GRIP2: variants seen among roughly 807,000 people sequenced by gnomAD.
GRIP2 encodes glutamate receptor-interacting protein 2.
In GRIP2, 58 loss-of-function variants were observed where a neutral mutation model predicts 108.3. The ratio of observed to expected loss-of-function variants is 0.54; its 90% CI spans 0.43 to 0.67. The LOEUF is 0.67. Ranked by LOEUF, GRIP2 falls within the 30% of genes least tolerant of loss-of-function variation. The probability of loss-of-function intolerance (pLI) is 0.00; values close to 1 mark genes in which losing one functional copy is unlikely to be tolerated. For synonymous variants in GRIP2, 586 were observed against 598.2 expected (o/e 0.98, Z 0.30); for missense variants, 1,278 against 1,430.6 (o/e 0.89, Z 1.72).
At chr3:14,495,054 C>G in intron 22 of GRIP2, 65 bp from the exon 23 acceptor site, 1 of 1,579,120 alleles carries the variant, frequency 6.3e-7, no homozygotes, top group South Asian at 1.2e-5. Flanking sequence ...CTCACAGTAG[C>G]CCAGGTCCTT....
At chr3:14,503,770 G>A (rs1048134578) in intron 20 of GRIP2, 99 bp from the exon 21 acceptor site, 2 of 346,402 alleles carry the variant, frequency 5.8e-6, no homozygotes, top group South Asian at 2.3e-5. Context: ...CGTTGGGCTC[G>A]AGGGGCCATA....
intron 1 of GRIP2, chr3:14,555,807 AGACGGGGAGGGAGAGCAGGGGTGACTGAG>A: frequency 2.5e-6 from 1 of 399,618 alleles, no homozygotes; most frequent in South Asian, 1.3e-4. Flanking sequence ...TCCGCGAGAG[AGACGGGGAGGGAGAGCAGGGGTGACTGAG>A]GACAGGCAGG....
rs776565582 is a variant in GRIP2, at chr3:14,511,340, A to G, written c.1788-30T>C. On this transcript the variant is annotated intron_variant, in intron 15 of 23. Coordinates refer to ENST00000621039, the MANE Select transcript of GRIP2 (RefSeq NM_001080423.4). This position sits in a 1 kb window ranked among gnomAD's most constrained non-coding sequence, Gnocchi z 4.1. ...ATGAGTCGGGGGCAGAGGGGATGGAAGGAGCCTGGTGCATGCAGGTGCCAT... is the reference window on the plus strand; with the variant it reads ...ATGAGTCGGGGGCAGAGGGGATGGAGGGAGCCTGGTGCATGCAGGTGCCAT... 7 of 1,613,992 alleles carry G rather than the reference A, an allele frequency of 4.3e-6. No homozygotes were observed. The South Asian group carries it at 6.6e-5, about 15-fold the overall frequency.
chr3:14,523,105 C>T (rs1470549141), intron 5 of GRIP2, 30 bp from the exon 6 acceptor site: 4 of 1,540,626 alleles, frequency 2.6e-6, no homozygotes, highest in Non-Finnish European at 3.6e-6. Flanking sequence ...AAGCAGGAAT[C>T]ATCCACCCAC....
the GRIP2 span, among the ~76,000 whole-genome samples, chr3:14,589,023 C>T: frequency 5.3e-5 from 8 of 152,228 alleles, no homozygotes; most frequent in Non-Finnish European, 1.2e-4. Flanking sequence ...AGCGCCTACT[C>T]ACTCGGGACC....
rs989870580 is a variant in GRIP2 at position 14,511,005 on chromosome 3, T to C, written c.1933+160A>G. Among the ~76,000 whole-genome samples the C allele has an allele frequency of 2.6e-5, 4 of 152,154 alleles. No homozygotes were observed. Among genetic ancestry groups the C allele is most frequent in the African/African-American group, 9.7e-5 (4 of 41,446 alleles). On this transcript the variant is annotated intron_variant, in intron 16 of 23. Coordinates refer to ENST00000621039, the MANE Select transcript of GRIP2 (RefSeq NM_001080423.4). The surrounding 1 kb of genome is among the most constrained non-coding windows in gnomAD (Gnocchi z 4.1). ...CAGACGCCGGGGACAGTGAGAAATC[T>C]GTGGTGTTGCCCCCTCCTTCATTTG...
chr3:14,593,701 T>A, the GRIP2 span, among the ~76,000 whole-genome samples: 1 of 152,210 alleles, frequency 6.6e-6, no homozygotes, highest in Non-Finnish European at 1.5e-5. Flanking sequence ...GGCATTGAGG[T>A]TCCTCGATAG....
intron 17 of GRIP2, among the ~76,000 whole-genome samples, chr3:14,509,559 G>T (rs1694025346): frequency 6.6e-6 from 1 of 152,282 alleles, no homozygotes; most frequent in Non-Finnish European, 1.5e-5. Flanking sequence ...GGAGCAGGAA[G>T]ATGCACACAC....
chr3:14,503,833 C>T, intron 20 of GRIP2, 162 bp from the exon 21 acceptor site: 1 of 603,406 alleles, frequency 1.7e-6, no homozygotes, highest in South Asian at 2.0e-5. Flanking sequence ...TTCTGGGGCC[C>T]CGGGGCAGTG....
chr3:14,510,575 TAAAAG>T (rs548708361), intron 16 of GRIP2, among the ~76,000 whole-genome samples: 308 of 149,480 alleles, frequency 2.1e-3, no homozygotes, highest in African/African-American at 5.8e-3. Flanking sequence ...CAACTTTTCT[TAAAAG>T]AAAAGAAAAG....
the GRIP2 span, among the ~76,000 whole-genome samples, chr3:14,561,778 T>C: frequency 6.6e-6 from 1 of 152,160 alleles, no homozygotes; most frequent in Non-Finnish European, 1.5e-5. Context: ...GCTCTACTGA[T>C]CTAAATAAGA....
At position 14,507,156 on chromosome 3, in the gene GRIP2, G is replaced by T. The variant is rs563049100; in HGVS notation, c.2219-176C>A. Among the ~76,000 whole-genome samples the T allele has an allele frequency of 6.6e-6, 1 of 151,946 alleles. No individual in the cohort carries two copies. The highest frequency in any genetic ancestry group is 1.9e-4 in the East Asian group (1 of 5,144). ...ACAGATGGGAAAACTGAGGCTCGGG[G>T]AAGCTGAGCAGCATGCCCGAGATCA... On this transcript the variant is annotated intron_variant, in intron 18 of 23. Transcript: ENST00000621039. The surrounding 1 kb of genome is among the most constrained non-coding windows in gnomAD (Gnocchi z 4.6).
chr3:14,549,116 CAGTA>C (rs1206033204), intron 1 of GRIP2, among the ~76,000 whole-genome samples: 2 of 152,222 alleles, frequency 1.3e-5, no homozygotes, highest in African/African-American at 4.8e-5. Context: ...GTTGTGCACA[CAGTA>C]AGTGCTACAC....
the GRIP2 span, among the ~76,000 whole-genome samples, chr3:14,602,737 A>C: frequency 6.6e-6 from 1 of 151,078 alleles, no homozygotes; most frequent in Non-Finnish European, 1.5e-5. The surrounding 1 kb of genome is among the most constrained non-coding windows in gnomAD (Gnocchi z 4.7). Flanking sequence ...TCGCGTCCTG[A>C]GGTGATCCTC....
the GRIP2 span, among the ~76,000 whole-genome samples, chr3:14,594,657 C>A: frequency 6.6e-6 from 1 of 152,220 alleles, no homozygotes; most frequent in Non-Finnish European, 1.5e-5. Flanking sequence ...CACATGGAAA[C>A]CTTAGCCCTC....
chr3:14,517,278 G>C, intron 10 of GRIP2, 65 bp from the exon 11 acceptor site: 1 of 1,460,516 alleles, frequency 6.8e-7, no homozygotes. Flanking sequence ...CACACAGTGG[G>C]TGCTGGGAAG....
the GRIP2 span, among the ~76,000 whole-genome samples, chr3:14,595,824 T>C: frequency 6.6e-6 from 1 of 152,246 alleles, no homozygotes; most frequent in Non-Finnish European, 1.5e-5. Context: ...GGGCCGGATG[T>C]GCACAGGGGC....
At chr3:14,513,546 A>T (rs1192720212) in intron 13 of GRIP2, 119 bp downstream of exon 13, 3 of 1,301,508 alleles carry the variant, frequency 2.3e-6, no homozygotes, top group African/African-American at 3.0e-5. Context: ...AGCCCCTGGG[A>T]GAAGGGCACT....
At chr3:14,562,513 G>A in the GRIP2 span, among the ~76,000 whole-genome samples, 2 of 152,218 alleles carry the variant, frequency 1.3e-5, no homozygotes, top group African/African-American at 2.4e-5. Context: ...TCTATGAACA[G>A]ATACATGAAG....
Sources: allele counts gnomAD v4.1 joint callset (sites outside exome capture counted in the v4.1 genomes callset), GRCh38; gene constraint gnomAD v4.1.1; non-coding constraint Gnocchi (gnomAD v3.1); transcripts MANE v1.5; gene names NCBI Gene and HGNC (gene_info 2026-07-23, HGNC 2026-07-21).